Variants in MGAT4C observed in about 807,000 individuals in gnomAD.
MGAT4C encodes the protein MGAT4 family member C, also known as alpha-1,3-mannosyl-glycoprotein 4-beta-N-acetylglucosaminyltransferase C.
A neutral mutation model predicts 40.1 loss-of-function variants in MGAT4C; 19 were observed. The ratio of observed to expected loss-of-function variants is 0.47; its 90% CI spans 0.33 to 0.70. The LOEUF (loss-of-function observed/expected upper bound fraction) is 0.70. MGAT4C is among the 30% of genes least tolerant of loss of function. The pLI is 0.02. For synonymous variants in MGAT4C, 181 were observed against 187.1 expected (o/e 0.97, Z 0.27); for missense variants, 491 against 563.2 (o/e 0.87, Z 1.30).
At chr12:86,825,730 A>C (rs1333200315) in intron 1 of MGAT4C, among the ~76,000 whole-genome samples, 2 of 151,512 alleles carry the variant, frequency 1.3e-5, no homozygotes, top group Non-Finnish European at 3.0e-5. Flanking sequence ...ATTTAAACTT[A>C]TCATCACTGG....
At chr12:86,238,166 T>A (rs1357727677) in intron 1 of MGAT4C, among the ~76,000 whole-genome samples, 1 of 152,074 alleles carries the variant, frequency 6.6e-6, no homozygotes, top group African/African-American at 2.4e-5. Flanking sequence ...GTGGAGTCAC[T>A]ATTAAGGGGT....
At position 86,469,976 on chromosome 12, in the gene MGAT4C, T is replaced by A. The variant is rs147291345; in HGVS notation, c.-228-34711A>T. On this transcript the variant is annotated intron_variant, in intron 2 of 7. Coordinates refer to the MGAT4C transcript ENST00000548651. ...TCACTTAGCATAATATCCTTTATGGTCATCCATGTTGTTGCAAAAGGTAGG... is the reference window on the plus strand; with the variant it reads ...TCACTTAGCATAATATCCTTTATGGACATCCATGTTGTTGCAAAAGGTAGG... 3.6e-4 allele frequency among the ~76,000 whole-genome samples: 55 copies of A among 152,286 alleles called. 1 individual carries two copies. Among genetic ancestry groups the A allele is most frequent in the African/African-American group, 1.3e-3 (54 of 41,574 alleles).
intron 2 of MGAT4C, among the ~76,000 whole-genome samples, chr12:86,514,465 A>G (rs1958648904): frequency 6.6e-6 from 1 of 152,122 alleles, no homozygotes; most frequent in South Asian, 2.1e-4. Context: ...TTCCTTCCTG[A>G]GGCTCTATGG....
At chr12:86,606,874 T>G (rs1280964083) in intron 2 of MGAT4C, among the ~76,000 whole-genome samples, 1 of 152,128 alleles carries the variant, frequency 6.6e-6, no homozygotes, top group Admixed American at 6.6e-5. Context: ...AGTGACACAT[T>G]AGATTTAGGA....
chr12:86,242,954 A>G (rs1485623745), intron 1 of MGAT4C, among the ~76,000 whole-genome samples: 3 of 152,164 alleles, frequency 2.0e-5, no homozygotes, highest in Non-Finnish European at 4.4e-5. Context: ...TTTTAAGCAG[A>G]TTAACATTAA....
chr12:86,589,174 AAAG>A (rs2136445784), intron 2 of MGAT4C, among the ~76,000 whole-genome samples: 1 of 152,298 alleles, frequency 6.6e-6, no homozygotes, highest in Non-Finnish European at 1.5e-5. Context: ...ATAAAGAAAA[AAAG>A]AGAGAAAAAT....
chr12:86,394,138 G>A (rs1956205559), intron 3 of MGAT4C, among the ~76,000 whole-genome samples: 2 of 152,120 alleles, frequency 1.3e-5, no homozygotes, highest in South Asian at 4.1e-4. Context: ...TAACCAAAAG[G>A]ATGGCAGAGA....
intron 4 of MGAT4C, among the ~76,000 whole-genome samples, chr12:86,276,890 A>G (rs1202837522): frequency 6.6e-6 from 1 of 152,196 alleles, no homozygotes; most frequent in Non-Finnish European, 1.5e-5. Flanking sequence ...GTGCTGCAAT[A>G]AATATGGGAG....
At chr12:86,637,215 G>T (rs1225000452) in intron 2 of MGAT4C, among the ~76,000 whole-genome samples, 1 of 151,916 alleles carries the variant, frequency 6.6e-6, no homozygotes, top group Non-Finnish European at 1.5e-5. Context: ...CATTCCTACT[G>T]ATTATATATT....
intron 1 of MGAT4C, among the ~76,000 whole-genome samples, chr12:86,776,659 G>A (rs904978061): frequency 6.6e-6 from 1 of 151,852 alleles, no homozygotes; most frequent in African/African-American, 2.4e-5. Context: ...TTATGACCTT[G>A]TATGTTAAAA....
chr12:86,331,732 G>A (rs940577301), intron 4 of MGAT4C, among the ~76,000 whole-genome samples: 28 of 152,190 alleles, frequency 1.8e-4, no homozygotes, highest in African/African-American at 5.8e-4. Context: ...ATGTCTGCCT[G>A]ACTACCTAAT....
intron 2 of MGAT4C, among the ~76,000 whole-genome samples, chr12:86,476,327 A>G (rs1957834956): frequency 2.0e-5 from 3 of 152,120 alleles, no homozygotes; most frequent in African/African-American, 7.2e-5. Context: ...CAAGAAACAT[A>G]TGAAACAATG....
chr12:86,760,905 C>G (rs1951393241), intron 1 of MGAT4C, among the ~76,000 whole-genome samples: 1 of 152,044 alleles, frequency 6.6e-6, no homozygotes, highest in Admixed American at 6.5e-5. Context: ...CTCATTTGTA[C>G]TGATAACATA....
intron 2 of MGAT4C, among the ~76,000 whole-genome samples, chr12:86,582,400 T>A (rs1447941810): frequency 1.3e-5 from 2 of 151,294 alleles, no homozygotes; most frequent in African/African-American, 4.8e-5. Context: ...TGTTTAGACC[T>A]CACAGTCAGA....
chr12:86,184,959 G>T (rs951607457), intron 1 of MGAT4C, among the ~76,000 whole-genome samples: 3 of 152,022 alleles, frequency 2.0e-5, no homozygotes, highest in African/African-American at 7.2e-5. Flanking sequence ...CTGTCTTAAC[G>T]CTGTAAGGAA....
chr12:86,701,751 C>CA (rs1445648768), intron 2 of MGAT4C, among the ~76,000 whole-genome samples: 1 of 151,982 alleles, frequency 6.6e-6, no homozygotes. Context: ...CCTCTTGTGA[C>CA]AAATAGCCAA....
upstream of MGAT4C, chr12:86,838,964 ACT>A (rs1486644339): frequency 4.6e-5 from 7 of 152,214 alleles, no homozygotes; most frequent in East Asian, 7.7e-4. Flanking sequence ...TCTGCTCCAG[ACT>A]CTCTCATCTG....
rs1192406058 is a variant in MGAT4C, at chr12:86,028,520, C to T, written c.-7+21154G>A. Among the ~76,000 whole-genome samples the T allele has an allele frequency of 6.6e-5, 10 of 151,958 alleles. No individual in the cohort carries two copies. The South Asian group carries it at 1.2e-3, about 19-fold the overall frequency. On this transcript the variant is annotated intron_variant, in intron 2 of 4. Coordinates refer to ENST00000611864, the MANE Select transcript of MGAT4C (RefSeq NM_001351288.2). ...TTTTTCCCCAGATAAACTCTGGGCT[C>T]ATTGAAGGCAAGAAATTAGGCCCAG...
At chr12:86,403,587 C>A (rs1210080721) in intron 3 of MGAT4C, among the ~76,000 whole-genome samples, 2 of 151,984 alleles carry the variant, frequency 1.3e-5, no homozygotes, top group East Asian at 1.9e-4. Flanking sequence ...AAATTATATG[C>A]CTCTATTAGA....
Sources: gnomAD v4.1 joint callset for allele counts (sites outside exome capture counted in the v4.1 genomes callset) on GRCh38, gnomAD v4.1.1 for gene constraint, MANE v1.5 for transcripts, NCBI Gene and HGNC (gene_info 2026-07-23, HGNC 2026-07-21) for gene names.